The following NXPE2 variants were observed in gnomAD, a reference collection of about 807,000 sequenced individuals.
NXPE2 encodes the protein NXPE family member 2.
NXPE2 carries 34 observed loss-of-function variants against 34.4 expected under a neutral mutation model. That is an observed-to-expected ratio of 0.99 (90% CI 0.75 to 1.31). The LOEUF (loss-of-function observed/expected upper bound fraction) is 1.31. NXPE2 is among the 40% of genes most tolerant of loss of function. NXPE2 has a pLI of 0.00. For missense variants in NXPE2, 649 were observed against 672.5 expected (o/e 0.97, Z 0.39); for synonymous variants, 235 against 231.3 (o/e 1.02, Z -0.15).
chr11:114,750,777 A>AGTT, the NXPE2 span, among the ~76,000 whole-genome samples: 1 of 152,228 alleles, frequency 6.6e-6, no homozygotes, highest in Admixed American at 6.5e-5. Flanking sequence ...CTCTGATATT[A>AGTT]GTTGTCTTGC....
the NXPE2 span, among the ~76,000 whole-genome samples, chr11:114,639,835 A>AAATATAAAATATAATATATATTATG: frequency 9.1e-6 from 1 of 110,092 alleles, no homozygotes; most frequent in African/African-American, 4.5e-5. Context: ...TATATATTAT[A>AAATATAAAATATAATATATATTATG]TTAAATATAA....
chr11:114,633,314 A>G, the NXPE2 span, among the ~76,000 whole-genome samples: 2 of 139,954 alleles, frequency 1.4e-5, no homozygotes, highest in Admixed American at 1.5e-4. Flanking sequence ...AAAATATATA[A>G]TTATATTATG....
At chr11:114,524,416 G>T in the NXPE2 span, among the ~76,000 whole-genome samples, 1 of 152,198 alleles carries the variant, frequency 6.6e-6, no homozygotes, top group Non-Finnish European at 1.5e-5. Flanking sequence ...TCATTACATG[G>T]TTGTATTGTA....
the NXPE2 span, among the ~76,000 whole-genome samples, chr11:114,480,811 ATAAT>A: frequency 6.6e-6 from 1 of 152,178 alleles, no homozygotes; most frequent in Non-Finnish European, 1.5e-5. Flanking sequence ...AAAAAATAGG[ATAAT>A]TAATTTGTGA....
At chr11:114,583,318 C>T in the NXPE2 span, 1 of 621,912 alleles carries the variant, frequency 1.6e-6, no homozygotes, top group Non-Finnish European at 3.0e-6. Flanking sequence ...TTGGAAATTA[C>T]TATTATGGAC....
chr11:114,562,968 T>C, the NXPE2 span, among the ~76,000 whole-genome samples: 4 of 152,170 alleles, frequency 2.6e-5, no homozygotes, highest in East Asian at 5.8e-4. Context: ...TCAGAATTTA[T>C]ATTAAGTCAC....
the NXPE2 span, among the ~76,000 whole-genome samples, chr11:114,632,738 T>C: frequency 5.1e-5 from 3 of 58,440 alleles, no homozygotes; most frequent in Non-Finnish European, 9.0e-5. Flanking sequence ...ATAATATATA[T>C]AAAATATATT....
intron 3 of NXPE2, among the ~76,000 whole-genome samples, chr11:114,703,691 TA>T (rs1268451321): frequency 4.7e-3 from 84 of 18,042 alleles, no homozygotes; most frequent in African/African-American, 0.024. Flanking sequence ...GATAGATAGA[TA>T]GATAGATGAT....
At chr11:114,486,926 A>G in the NXPE2 span, among the ~76,000 whole-genome samples, 39,001 of 151,874 alleles carry the variant, frequency 0.26, 5,148 homozygotes, top group East Asian at 0.37. Flanking sequence ...AAGTCAGGCA[A>G]TGTGATTTCT....
intron 4 of NXPE2, among the ~76,000 whole-genome samples, chr11:114,705,407 G>C (rs1323173275): frequency 6.6e-6 from 1 of 152,166 alleles, no homozygotes; most frequent in Non-Finnish European, 1.5e-5. Flanking sequence ...AATTCAGCGA[G>C]GCCAATGTCA....
chr11:114,504,820 G>A, the NXPE2 span, among the ~76,000 whole-genome samples: 2 of 152,180 alleles, frequency 1.3e-5, no homozygotes, highest in South Asian at 4.1e-4. Flanking sequence ...AAGCTCGAGT[G>A]CCTTCTTTCC....
intron 2 of NXPE2, among the ~76,000 whole-genome samples, chr11:114,690,329 T>C (rs1951127563): frequency 6.6e-6 from 1 of 152,162 alleles, no homozygotes; most frequent in South Asian, 2.1e-4. Flanking sequence ...GTCTGGAAAA[T>C]ACTTCATTTC....
the NXPE2 span, among the ~76,000 whole-genome samples, chr11:114,568,511 C>T: frequency 6.7e-6 from 1 of 148,372 alleles, no homozygotes; most frequent in African/African-American, 2.5e-5. Context: ...CACTCTCTTC[C>T]TCTCTTTCAT....
the NXPE2 span, among the ~76,000 whole-genome samples, chr11:114,523,406 CT>C: frequency 6.6e-6 from 1 of 152,110 alleles, no homozygotes; most frequent in Admixed American, 6.5e-5. Flanking sequence ...TGACTTCTGT[CT>C]TTGTCTCTTA....
At position 114,706,611 on chromosome 11, in the gene NXPE2, T is replaced by G; in HGVS notation, c.1361T>G (p.Phe454Cys). 6.4e-7 allele frequency: 1 copy of G among 1,551,806 alleles called. No homozygotes were observed. Among genetic ancestry groups the G allele is most frequent in the East Asian group, 2.4e-5 (1 of 41,060 alleles). The change falls in exon 6 of 6, where the codon TTC (phenylalanine) becomes TGC (cysteine). Residue 454 changes from phenylalanine to cysteine, a missense_variant. By Grantham distance (205) the Phe-to-Cys change is radical. Transcript: ENST00000389586. ...ATTGTCATTACCCTCGGCCAACACT[T>G]CAGACCCTTTCCCATCAACATTTTC... is the stretch of plus-strand genomic sequence containing the variant. ...TAIVITLGQH[F>C]RPFPINIFIR... is the part of the protein sequence containing the mutation.
chr11:114,812,357 C>G, the NXPE2 span, among the ~76,000 whole-genome samples: 1 of 152,140 alleles, frequency 6.6e-6, no homozygotes, highest in Non-Finnish European at 1.5e-5. Flanking sequence ...TCTAAAGAGA[C>G]AAATTACAGT....
the NXPE2 span, among the ~76,000 whole-genome samples, chr11:114,769,680 G>A: frequency 6.6e-6 from 1 of 152,054 alleles, no homozygotes; most frequent in African/African-American, 2.4e-5. Context: ...ATGAAGCTGT[G>A]GAAACCATCA....
At chr11:114,593,284 G>A in the NXPE2 span, among the ~76,000 whole-genome samples, 3 of 151,968 alleles carry the variant, frequency 2.0e-5, no homozygotes, top group Non-Finnish European at 4.4e-5. Flanking sequence ...CATCTGACAG[G>A]GGATTACTAT....
At chr11:114,704,147 T>C (rs1951427644) in intron 4 of NXPE2, 95 bp downstream of exon 4, 2 of 900,240 alleles carry the variant, frequency 2.2e-6, no homozygotes, top group South Asian at 1.7e-5. Flanking sequence ...AACGATTTGA[T>C]CTCTCATTTC....
Sources: gnomAD v4.1 joint callset for allele counts (sites outside exome capture counted in the v4.1 genomes callset) on GRCh38, gnomAD v4.1.1 for gene constraint, MANE v1.5 for transcripts, NCBI Gene and HGNC (gene_info 2026-07-23, HGNC 2026-07-21) for gene names.